Variants in EPM2A observed in about 807,000 individuals in gnomAD.
EPM2A encodes the protein laforin.
Under a neutral mutation model 26.5 loss-of-function variants are expected in EPM2A, and 21 were observed. That is an observed-to-expected ratio of 0.79 (90% CI 0.56 to 1.14). The LOEUF is 1.14. EPM2A is among the 50% of genes most tolerant of loss of function. EPM2A has a pLI of 0.00. For missense variants in EPM2A, 458 were observed against 440.8 expected, an observed-to-expected ratio of 1.04 and a Z score of -0.35; for synonymous variants, 217 against 177.6, an observed-to-expected ratio of 1.22 and a Z score of -1.76.
chr6:145,387,540 G>T (rs1400802358), intron 4 of EPM2A, among the ~76,000 whole-genome samples: 1 of 151,998 alleles, frequency 6.6e-6, no homozygotes, highest in East Asian at 1.9e-4. Flanking sequence ...AGGCACCAGA[G>T]GGAGAACCCG....
chr6:145,459,633 A>G (rs1779303524), intron 4 of EPM2A, among the ~76,000 whole-genome samples: 1 of 152,044 alleles, frequency 6.6e-6, no homozygotes, highest in Non-Finnish European at 1.5e-5. Context: ...GCTCTTACCT[A>G]TTTATTTTTT....
At chr6:145,564,780 G>C (rs967273978) in intron 2 of EPM2A, among the ~76,000 whole-genome samples, 1 of 151,006 alleles carries the variant, frequency 6.6e-6, no homozygotes, top group South Asian at 2.1e-4. Flanking sequence ...TGGTGGGGGG[G>C]GGCAGGGGGT....
intron 4 of EPM2A, among the ~76,000 whole-genome samples, chr6:145,385,944 A>G (rs1778255155): frequency 6.6e-6 from 1 of 152,064 alleles, no homozygotes; most frequent in Non-Finnish European, 1.5e-5. Flanking sequence ...TTCCTTGTGT[A>G]GTTCAGACTC....
intron 2 of EPM2A, among the ~76,000 whole-genome samples, chr6:145,661,020 A>T (rs1388216638): frequency 1.3e-5 from 2 of 152,148 alleles, no homozygotes; most frequent in Non-Finnish European, 2.9e-5. Context: ...AGAGGACAAG[A>T]AAAGACAGAG....
At chr6:145,698,898 G>A (rs539077838) in intron 1 of EPM2A, among the ~76,000 whole-genome samples, 142 of 152,286 alleles carry the variant, frequency 9.3e-4, no homozygotes, top group African/African-American at 3.3e-3. Flanking sequence ...TAAGGATACA[G>A]GCAGATGGTG....
intron 2 of EPM2A, among the ~76,000 whole-genome samples, chr6:145,521,330 A>G (rs1392682909): frequency 2.0e-5 from 3 of 152,214 alleles, no homozygotes; most frequent in Non-Finnish European, 4.4e-5. Context: ...ATAAAAGAAG[A>G]CATATTAATA....
chr6:145,576,660 A>G (rs1225539897), intron 2 of EPM2A, among the ~76,000 whole-genome samples: 7 of 152,218 alleles, frequency 4.6e-5, no homozygotes, highest in East Asian at 1.9e-4. Flanking sequence ...GAGGCCTTCA[A>G]TATGAAAGGA....
At chr6:145,571,101 A>G (rs1780948639) in intron 2 of EPM2A, among the ~76,000 whole-genome samples, 1 of 152,200 alleles carries the variant, frequency 6.6e-6, no homozygotes, top group Non-Finnish European at 1.5e-5. Flanking sequence ...TTTTGTTAGT[A>G]TATCACTAGT....
intron 2 of EPM2A, among the ~76,000 whole-genome samples, chr6:145,585,087 C>A (rs1781170742): frequency 6.6e-6 from 1 of 152,134 alleles, no homozygotes; most frequent in African/African-American, 2.4e-5. Context: ...ACATTCTTTT[C>A]ATTCTCTAAC....
At chr6:145,717,622 A>G (rs1325695227) in intron 1 of EPM2A, among the ~76,000 whole-genome samples, 1 of 152,294 alleles carries the variant, frequency 6.6e-6, no homozygotes, top group African/African-American at 2.4e-5. Flanking sequence ...GGCCACGGCA[A>G]TTAGGCAGGA....
rs1780400315 is a variant in EPM2A, at chr6:145,534,189, T to A, written c.341-31614A>T. On this transcript the variant is annotated intron_variant, in intron 2 of 3. Transcript: ENST00000450221. ...TTGTGCTCTTGCAAGAGTAGTCATCTGTTAATGGTAAGCAATAAGGGCACA... is the reference window on the plus strand; with the variant it reads ...TTGTGCTCTTGCAAGAGTAGTCATCAGTTAATGGTAAGCAATAAGGGCACA... Among the ~76,000 whole-genome samples, 5 of 152,348 alleles carry A rather than the reference T, an allele frequency of 3.3e-5. 1 individual carries two copies. The South Asian group carries it at 1.0e-3, about 32-fold the overall frequency.
rs148328423 is a variant in EPM2A at position 145,561,354 on chromosome 6, C to CT, written c.341-58780dup. 6.4e-4 allele frequency among the ~76,000 whole-genome samples: 97 copies of CT among 152,160 alleles called. 1 individual carries two copies. The East Asian group carries it at 0.015, about 23-fold the overall frequency. ...GATGTTTACACAATGACAAAATAGC[C>CT]TAACAACACATTCTCAGAAGGCATC... On this transcript the variant is annotated intron_variant, in intron 2 of 3. Coordinates refer to the EPM2A transcript ENST00000450221.
At chr6:145,578,995 C>A (rs1407201479) in intron 2 of EPM2A, among the ~76,000 whole-genome samples, 2 of 151,376 alleles carry the variant, frequency 1.3e-5, no homozygotes, top group African/African-American at 2.4e-5. Context: ...ACACCGGGGC[C>A]TGTGGTGGGG....
At chr6:145,395,427 G>T (rs1034098990) in intron 4 of EPM2A, among the ~76,000 whole-genome samples, 16 of 152,074 alleles carry the variant, frequency 1.1e-4, no homozygotes, top group Non-Finnish European at 1.5e-5. Flanking sequence ...AGCCCATTAA[G>T]ATTAGAGTCA....
chr6:145,728,944 A>G (rs762470196), intron 1 of EPM2A, among the ~76,000 whole-genome samples: 1 of 152,078 alleles, frequency 6.6e-6, no homozygotes, highest in Non-Finnish European at 1.5e-5. Context: ...ACCCTGTACA[A>G]CCTCAGGACA....
chr6:145,441,260 G>A (rs892762019), intron 4 of EPM2A, among the ~76,000 whole-genome samples: 1 of 152,156 alleles, frequency 6.6e-6, no homozygotes. Flanking sequence ...TTTTAGTCAT[G>A]GCTACAGCAG....
At chr6:145,732,237 G>GTGTGTGCA (rs779975967) in intron 1 of EPM2A, among the ~76,000 whole-genome samples, 2 of 20,226 alleles carry the variant, frequency 9.9e-5, no homozygotes, top group Non-Finnish European at 2.6e-4. Flanking sequence ...GTGTGTGTGT[G>GTGTGTGCA]CGCGCCAAAG....
chr6:145,610,251 T>C (rs74444246), intron 2 of EPM2A, among the ~76,000 whole-genome samples: 7,657 of 152,010 alleles, frequency 0.05, 653 homozygotes, highest in African/African-American at 0.17. Flanking sequence ...GTTTTCAATT[T>C]CGGCTTTGAA....
At chr6:145,455,596 G>A (rs1779253704) in intron 4 of EPM2A, among the ~76,000 whole-genome samples, 2 of 152,240 alleles carry the variant, frequency 1.3e-5, no homozygotes, top group Admixed American at 6.5e-5. Flanking sequence ...GACCTCAGGT[G>A]ATCCACCCGC....
Sources: gnomAD v4.1 joint callset for allele counts (sites outside exome capture counted in the v4.1 genomes callset) on GRCh38, gnomAD v4.1.1 for gene constraint, MANE v1.5 for transcripts, NCBI Gene and HGNC (gene_info 2026-07-23, HGNC 2026-07-21) for gene names.